The following PDZD2 variants were observed in gnomAD, a reference collection of about 807,000 sequenced individuals.
PDZD2 encodes PDZ domain containing 2, also known as PDZ domain-containing protein 2.
A neutral mutation model predicts 220.7 loss-of-function variants in PDZD2; 90 were observed. The ratio of observed to expected loss-of-function variants is 0.41; its 90% CI spans 0.34 to 0.49. The LOEUF (loss-of-function observed/expected upper bound fraction) is 0.49. Ranked by LOEUF, PDZD2 falls within the 20% of genes least tolerant of loss-of-function variation. PDZD2 has a pLI of 0.28. For missense variants in PDZD2, 3,174 were observed against 3,608.5 expected, an observed-to-expected ratio of 0.88 and a Z score of 3.08; for synonymous variants, 1,375 against 1,450.5, an observed-to-expected ratio of 0.95 and a Z score of 1.18.
chr5:31,815,563 TC>T (rs1288370687), intron 2 of PDZD2, among the ~76,000 whole-genome samples: 1 of 152,190 alleles, frequency 6.6e-6, no homozygotes, highest in Non-Finnish European at 1.5e-5. Context: ...TGTCTTGAAG[TC>T]TCTATCTTAA....
chr5:32,057,154 A>G (rs1739166294), intron 10 of PDZD2, among the ~76,000 whole-genome samples: 1 of 152,182 alleles, frequency 6.6e-6, no homozygotes, highest in Admixed American at 6.5e-5. Context: ...GCCATTGCTC[A>G]GTAATATTTT....
chr5:31,845,951 C>G (rs915770012), intron 2 of PDZD2, among the ~76,000 whole-genome samples: 2 of 152,138 alleles, frequency 1.3e-5, no homozygotes, highest in Admixed American at 6.5e-5. Flanking sequence ...TCAAGACCTG[C>G]AAAGATGTTC....
chr5:32,028,294 A>G (rs888449356), intron 6 of PDZD2, among the ~76,000 whole-genome samples: 8 of 152,190 alleles, frequency 5.3e-5, no homozygotes, highest in Admixed American at 3.9e-4. Flanking sequence ...AAACAGTTAC[A>G]GGATATTTCT....
intron 19 of PDZD2, among the ~76,000 whole-genome samples, chr5:32,079,542 C>T (rs1741704852): frequency 6.6e-6 from 1 of 152,008 alleles, no homozygotes; most frequent in Admixed American, 6.5e-5. Flanking sequence ...TGCCGTGGCT[C>T]ACACCTGTAA....
chr5:31,781,174 G>A (rs1753042734), intron 1 of PDZD2, among the ~76,000 whole-genome samples: 1 of 152,180 alleles, frequency 6.6e-6, no homozygotes. Context: ...AGCACTTTGG[G>A]AGACTGAAGT....
At chr5:31,650,168 G>T (rs959371885) in intron 1 of PDZD2, among the ~76,000 whole-genome samples, 5 of 151,918 alleles carry the variant, frequency 3.3e-5, no homozygotes, top group African/African-American at 1.2e-4. Context: ...CTGGGTTTAT[G>T]AGCAGGAAAA....
chr5:31,814,127 G>T (rs1755289744), intron 2 of PDZD2, among the ~76,000 whole-genome samples: 1 of 152,172 alleles, frequency 6.6e-6, no homozygotes, highest in African/African-American at 2.4e-5. Flanking sequence ...TACCAGAAAA[G>T]ATGTATTTTT....
intron 2 of PDZD2, among the ~76,000 whole-genome samples, chr5:31,885,361 A>C (rs1740365972): frequency 6.6e-6 from 1 of 152,156 alleles, no homozygotes. Context: ...GTATACTGTC[A>C]GAGTGAGACA....
chr5:32,088,819 A>G lies in PDZD2; in HGVS notation c.5371A>G (p.Lys1791Glu). 1 of 1,614,058 alleles carries G rather than the reference A, an allele frequency of 6.2e-7. No individual in the cohort carries two copies. ...QDLDDLLQKP[K>E]MIARRPIMAW... ...CCTGGATGACTTGCTACAGAAACCA[A>G]AAATGATCGCTAGGAGGCCCATCAT... Residue 1791 changes from lysine to glutamate, a missense_variant, in exon 20 of 25, where the codon AAA becomes GAA. Transcript: ENST00000438447. The surrounding 1 kb of genome is among the most constrained non-coding windows in gnomAD (Gnocchi z 4.6).
intron 1 of PDZD2, among the ~76,000 whole-genome samples, chr5:31,775,418 A>G (rs1249326022): frequency 2.0e-5 from 3 of 151,784 alleles, no homozygotes; most frequent in Non-Finnish European, 2.9e-5. Flanking sequence ...ATTTGACGTA[A>G]TAGAGACAAT....
Position 32,108,438 on chromosome 5 carries a change from G to GAAAC in PDZD2, c.*313_*316dup, listed in dbSNP as rs530366758. On this transcript the variant is annotated 3_prime_UTR_variant, in exon 25 of 25. Transcript: ENST00000438447. ...AGATGTGACACACCCTTCTTTATTT[G>GAAAC]AAACAAACAAACATTTAGCTAGACC... The GAAAC allele has an allele frequency of 1.2e-4, 23 of 192,350 alleles. No homozygotes were observed. Among genetic ancestry groups the GAAAC allele is most frequent in the African/African-American group, 2.6e-4 (11 of 42,516 alleles). 11.9% of individuals were successfully genotyped at this position (192,350 alleles called of 1,614,324 possible). A position where few individuals can be genotyped will look rare whatever the true frequency, so the allele number is the denominator to read the frequency against.
chr5:32,105,147 C>T (rs1220266911), intron 24 of PDZD2, among the ~76,000 whole-genome samples: 1 of 142,618 alleles, frequency 7.0e-6, no homozygotes, highest in Non-Finnish European at 1.5e-5. Flanking sequence ...AAAAAACAAT[C>T]AATCAATCAA....
chr5:31,745,731 C>T (rs1750561100), intron 1 of PDZD2, among the ~76,000 whole-genome samples: 1 of 151,888 alleles, frequency 6.6e-6, no homozygotes, highest in Non-Finnish European at 1.5e-5. Context: ...TGTATTAGGT[C>T]ACTGCGTCCT....
chr5:31,865,500 T>C (rs1738131100), intron 2 of PDZD2, among the ~76,000 whole-genome samples: 1 of 151,320 alleles, frequency 6.6e-6, no homozygotes, highest in Non-Finnish European at 1.5e-5. Context: ...TTTGTAGAGA[T>C]GGGGTCTCCC....
chr5:31,847,768 G>A, intron 2 of PDZD2: 1 of 587,470 alleles, frequency 1.7e-6, no homozygotes. Flanking sequence ...AGCTGTGAAT[G>A]GAGGCTTGTC....
chr5:32,029,351 A>AAAAC (rs1754948515), intron 6 of PDZD2, among the ~76,000 whole-genome samples: 1 of 151,244 alleles, frequency 6.6e-6, no homozygotes, highest in African/African-American at 2.4e-5. Flanking sequence ...AAAAAAAAAA[A>AAAAC]AAGCTTTTCC....
chr5:31,862,229 C>G (rs1354175251), intron 2 of PDZD2, among the ~76,000 whole-genome samples: 1 of 151,340 alleles, frequency 6.6e-6, no homozygotes, highest in Non-Finnish European at 1.5e-5. Context: ...CTCAGCCTCC[C>G]AAGTAGCTGA....
At chr5:31,986,194 G>T (rs1029126912) in intron 3 of PDZD2, among the ~76,000 whole-genome samples, 2 of 150,398 alleles carry the variant, frequency 1.3e-5, no homozygotes, top group African/African-American at 4.9e-5. Flanking sequence ...AGGTGTAAAT[G>T]AAAGAGTGAA....
chr5:31,698,122 C>T (rs111455916), intron 1 of PDZD2, among the ~76,000 whole-genome samples: 75,857 of 146,180 alleles, frequency 0.52, 21,049 homozygotes, highest in African/African-American at 0.73. Flanking sequence ...TTGGCCAGGA[C>T]GGTCTCGATC....
Sources: allele counts gnomAD v4.1 joint callset (sites outside exome capture counted in the v4.1 genomes callset), GRCh38; gene constraint gnomAD v4.1.1; non-coding constraint Gnocchi (gnomAD v3.1); transcripts MANE v1.5; gene names NCBI Gene and HGNC (gene_info 2026-07-23, HGNC 2026-07-21).